XRN2: variants seen among roughly 807,000 people sequenced by gnomAD.
XRN2 encodes the protein 5'-3' exoribonuclease 2.
XRN2 carries 44 observed loss-of-function variants against 138.5 expected under a neutral mutation model. The ratio of observed to expected loss-of-function variants is 0.32; its 90% CI spans 0.25 to 0.41. The LOEUF (loss-of-function observed/expected upper bound fraction) is 0.41, where lower values mean the gene tolerates loss of function less well. Ranked by LOEUF, XRN2 falls within the 10% of genes least tolerant of loss-of-function variation. The pLI is 1.00. For missense variants in XRN2, 937 were observed against 1,169.3 expected (o/e 0.80, Z 2.90); for synonymous variants, 354 against 369.4 (o/e 0.96, Z 0.48).
At chr20:21,374,385 C>A (rs1479187912) in intron 27 of XRN2, among the ~76,000 whole-genome samples, 1 of 152,118 alleles carries the variant, frequency 6.6e-6, no homozygotes, top group African/African-American at 2.4e-5. Flanking sequence ...GTAGATATTT[C>A]ATTCCCAATC....
intron 1 of XRN2, among the ~76,000 whole-genome samples, chr20:21,315,777 C>T (rs957572148): frequency 2.0e-5 from 3 of 152,154 alleles, no homozygotes; most frequent in African/African-American, 4.8e-5. Flanking sequence ...GGATTACAGG[C>T]GTGAGCCATC....
chr20:21,354,729 T>C (rs2038555323), intron 20 of XRN2, 60 bp from the exon 21 acceptor site: 3 of 1,493,628 alleles, frequency 2.0e-6, no homozygotes, highest in African/African-American at 2.8e-5. Context: ...CGAGCAATGA[T>C]AAGTTGGAAT....
chr20:21,337,519 T>C (rs1183835991), intron 13 of XRN2, among the ~76,000 whole-genome samples: 4 of 152,212 alleles, frequency 2.6e-5, no homozygotes, highest in Non-Finnish European at 4.4e-5. Flanking sequence ...GAGGCTCTGG[T>C]TGGGGAGTCA....
chr20:21,318,298 A>C (rs2037988340), intron 1 of XRN2, among the ~76,000 whole-genome samples: 1 of 151,960 alleles, frequency 6.6e-6, no homozygotes, highest in Non-Finnish European at 1.5e-5. Flanking sequence ...TAGTAACTTG[A>C]GTCTTCCCTC....
intron 1 of XRN2, among the ~76,000 whole-genome samples, chr20:21,308,555 T>G (rs1405522342): frequency 6.6e-6 from 1 of 152,236 alleles, no homozygotes; most frequent in African/African-American, 2.4e-5. Flanking sequence ...GGTAGTCCAG[T>G]GTACTGTTAC....
At chr20:21,329,337 T>TG (rs1261812168) in intron 4 of XRN2, among the ~76,000 whole-genome samples, 1 of 152,164 alleles carries the variant, frequency 6.6e-6, no homozygotes, top group Admixed American at 6.5e-5. Context: ...TGATGCCAGT[T>TG]GGGACTGGTT....
intron 28 of XRN2, 100 bp downstream of exon 28, chr20:21,382,157 ACTTTTTCCCAC>A: frequency 1.1e-6 from 1 of 939,360 alleles, no homozygotes; most frequent in Non-Finnish European, 1.5e-6. Flanking sequence ...TTTGAAATGT[ACTTTTTCCCAC>A]CAAAAACAAT....
In XRN2 at chr20:21,349,418, A is replaced by G; in HGVS notation, c.1893A>G (p.Glu631=). The G allele has an allele frequency of 1.2e-6, 2 of 1,608,674 alleles. No individual in the cohort carries two copies. The highest frequency in any genetic ancestry group is 2.2e-5 in the South Asian group (2 of 90,770). ...CTAGTATAATTGACTTCTATCCTGA[A>G]GATTTTGCTATTGATTTGAATGGGA... is the stretch of plus-strand genomic sequence containing the variant. ...PDSSIIDFYP[E]DFAIDLNGKK... is the part of the protein sequence containing the mutation. The change falls in exon 20 of 30, where the codon GAA becomes GAG. Residue 631 remains glutamate, a synonymous_variant. Transcript: ENST00000377191.
chr20:21,342,247 C>G (rs558389022), intron 15 of XRN2, among the ~76,000 whole-genome samples: 21 of 152,184 alleles, frequency 1.4e-4, no homozygotes, highest in African/African-American at 5.1e-4. Flanking sequence ...TAATACTTAT[C>G]TACTGATGAT....
At chr20:21,351,520 A>AT in intron 20 of XRN2, among the ~76,000 whole-genome samples, 1 of 152,148 alleles carries the variant, frequency 6.6e-6, no homozygotes, top group South Asian at 2.1e-4. Flanking sequence ...ATTTGCATGT[A>AT]TTTTCTCTTA....
At chr20:21,367,000 G>C (rs1477833439) in intron 26 of XRN2, among the ~76,000 whole-genome samples, 1 of 152,126 alleles carries the variant, frequency 6.6e-6, no homozygotes, top group African/African-American at 2.4e-5. Context: ...GTATGATGGA[G>C]ACTCTTTTTC....
intron 13 of XRN2, among the ~76,000 whole-genome samples, chr20:21,335,934 T>C (rs2038282481): frequency 6.6e-6 from 1 of 152,172 alleles, no homozygotes; most frequent in Non-Finnish European, 1.5e-5. Context: ...TTCAGCATGA[T>C]TGGACACCAG....
chr20:21,303,799 T>A (rs1411368406), intron 1 of XRN2: 5 of 1,095,490 alleles, frequency 4.6e-6, no homozygotes, highest in Non-Finnish European at 5.5e-6. Context: ...ACCGCGCATT[T>A]TGGGTCTCGG....
intron 27 of XRN2, among the ~76,000 whole-genome samples, chr20:21,376,491 C>T (rs1266336836): frequency 1.3e-5 from 2 of 151,946 alleles, no homozygotes; most frequent in African/African-American, 4.8e-5. Flanking sequence ...TGTTCTTGTC[C>T]CTTGCTGATT....
chr20:21,364,925 T>G (rs2038677431), intron 24 of XRN2, among the ~76,000 whole-genome samples: 1 of 152,204 alleles, frequency 6.6e-6, no homozygotes, highest in Non-Finnish European at 1.5e-5. Flanking sequence ...TAATTTTTTT[T>G]GTTAAGTCCA....
chr20:21,366,561 CAA>C (rs375130220), intron 26 of XRN2, among the ~76,000 whole-genome samples: 17 of 111,478 alleles, frequency 1.5e-4, no homozygotes, highest in Admixed American at 2.7e-4. Flanking sequence ...CCGTCTCAAC[CAA>C]AAAAAAAAAA....
intron 14 of XRN2, 47 bp from the exon 15 acceptor site, chr20:21,340,672 CTG>C: frequency 6.3e-7 from 1 of 1,589,880 alleles, no homozygotes; most frequent in Non-Finnish European, 8.6e-7. Flanking sequence ...TGTCATCTAA[CTG>C]TGTTGTGATT....
At position 21,382,024 on chromosome 20, in the gene XRN2, C is replaced by G. The variant is rs535086430; in HGVS notation, c.2615C>G (p.Pro872Arg). The change falls in exon 28 of 30, where the codon CCT becomes CGT. Residue 872 changes from proline to arginine, a missense_variant. By Grantham distance (103) the Pro-to-Arg change is moderately radical. This residue lies in a region of XRN2 where 372 missense variants were observed against 414.4 expected (regional missense o/e 0.90). Coordinates refer to ENST00000377191, the MANE Select transcript of XRN2 (RefSeq NM_012255.5). Reference sequence around the variant, plus strand: ...AGGCCCCAGGATTCCTGGCGAGGTCCTCCTCCCCTTTTCCAGCAGCAAAGG... The same window carrying G: ...AGGCCCCAGGATTCCTGGCGAGGTCGTCCTCCCCTTTTCCAGCAGCAAAGG... ...NMRPQDSWRGPPPLFQQQRFD... is the reference protein window; with the variant it reads ...NMRPQDSWRGRPPLFQQQRFD... 1.9e-6 allele frequency: 3 copies of G among 1,604,902 alleles called. No individual in the cohort carries two copies. Among genetic ancestry groups the G allele is most frequent in the East Asian group, 2.2e-5 (1 of 44,486 alleles).
chr20:21,376,480 C>T (rs1210362818), intron 27 of XRN2, among the ~76,000 whole-genome samples: 2 of 152,180 alleles, frequency 1.3e-5, no homozygotes, highest in Non-Finnish European at 2.9e-5. Flanking sequence ...TGTAAGTTGG[C>T]TGTTCTTGTC....
Sources: gnomAD v4.1 joint callset for allele counts (sites outside exome capture counted in the v4.1 genomes callset) on GRCh38, gnomAD v4.1.1 for gene constraint, gnomAD v4.1.1 regional missense constraint, MANE v1.5 for transcripts, NCBI Gene and HGNC (gene_info 2026-07-23, HGNC 2026-07-21) for gene names.